Variants in CCBE1 observed in about 807,000 individuals in gnomAD.
The protein encoded by CCBE1 is collagen and calcium-binding EGF domain-containing protein 1.
Under a neutral mutation model 50.0 loss-of-function variants are expected in CCBE1, and 37 were observed. The ratio of observed to expected loss-of-function variants is 0.74; its 90% CI spans 0.57 to 0.97. The LOEUF is 0.97. Among genes scored for constraint, CCBE1 ranks in the 50% least tolerant of loss-of-function variants. The pLI is 0.00. For missense variants in CCBE1, 538 were observed against 523.8 expected (o/e 1.03, Z -0.26); for synonymous variants, 234 against 203.7 (o/e 1.15, Z -1.27).
intron 2 of CCBE1, among the ~76,000 whole-genome samples, chr18:59,596,349 G>T (rs1171696680): frequency 6.6e-6 from 1 of 152,148 alleles, no homozygotes; most frequent in Non-Finnish European, 1.5e-5. Context: ...AAATAATTTT[G>T]TCCAATAATC....
chr18:59,467,005 C>A, intron 4 of CCBE1, 114 bp from the exon 5 acceptor site: 1 of 923,914 alleles, frequency 1.1e-6, no homozygotes, highest in South Asian at 1.3e-5. Flanking sequence ...CTTGGGCCGA[C>A]CTTGATCAGA....
chr18:59,620,401 A>G (rs1324606912), intron 2 of CCBE1, among the ~76,000 whole-genome samples: 1 of 152,208 alleles, frequency 6.6e-6, no homozygotes, highest in Non-Finnish European at 1.5e-5. Context: ...CACTGCCCTG[A>G]AGCCCTCAAG....
chr18:59,675,067 G>A (rs1203357490), intron 2 of CCBE1, among the ~76,000 whole-genome samples: 4 of 151,976 alleles, frequency 2.6e-5, no homozygotes, highest in Non-Finnish European at 4.4e-5. Context: ...GCACAACATT[G>A]AAACAGGATG....
chr18:59,646,732 T>C (rs1360752420), intron 2 of CCBE1, among the ~76,000 whole-genome samples: 1 of 152,186 alleles, frequency 6.6e-6, no homozygotes, highest in Non-Finnish European at 1.5e-5. Flanking sequence ...CATGTAGCAA[T>C]GATTTCAAAA....
intron 2 of CCBE1, among the ~76,000 whole-genome samples, chr18:59,504,539 T>C (rs141416825): frequency 6.6e-6 from 1 of 152,282 alleles, no homozygotes; most frequent in African/African-American, 2.4e-5. Flanking sequence ...ACTGACAGTG[T>C]CTTTGTGAGA....
intron 6 of CCBE1, among the ~76,000 whole-genome samples, chr18:59,451,546 A>C (rs182670944): frequency 3.2e-4 from 48 of 151,200 alleles, no homozygotes; most frequent in African/African-American, 1.1e-3. Flanking sequence ...CTATCCCCAC[A>C]CTCTCCCTTT....
intron 2 of CCBE1, among the ~76,000 whole-genome samples, chr18:59,616,345 A>C (rs1356837150): frequency 6.6e-6 from 1 of 152,240 alleles, no homozygotes; most frequent in Non-Finnish European, 1.5e-5. Context: ...GATTCATGGG[A>C]GACCCCAGAT....
chr18:59,653,902 TATC>T (rs1270790917), intron 2 of CCBE1, among the ~76,000 whole-genome samples: 1 of 152,196 alleles, frequency 6.6e-6, no homozygotes, highest in Non-Finnish European at 1.5e-5. Context: ...CTTATGGACA[TATC>T]ATAAGCAAAA....
intron 2 of CCBE1, among the ~76,000 whole-genome samples, chr18:59,692,424 G>C (rs1261331979): frequency 2.0e-5 from 3 of 152,142 alleles, no homozygotes; most frequent in Admixed American, 6.5e-5. Context: ...GTAGAGCTGG[G>C]ATTCACACTG....
intron 5 of CCBE1, among the ~76,000 whole-genome samples, chr18:59,463,751 G>T (rs1911606314): frequency 6.6e-6 from 1 of 152,282 alleles, no homozygotes; most frequent in African/African-American, 2.4e-5. Context: ...TTGTTGCTGG[G>T]GTTCCCGGTG....
intron 2 of CCBE1, among the ~76,000 whole-genome samples, chr18:59,600,777 A>T (rs1164744097): frequency 6.6e-6 from 1 of 152,034 alleles, no homozygotes; most frequent in Non-Finnish European, 1.5e-5. Flanking sequence ...CTCTTTCCTC[A>T]TGTAGAGTAA....
At chr18:59,519,899 G>GT (rs758443757) in intron 2 of CCBE1, among the ~76,000 whole-genome samples, 14 of 152,220 alleles carry the variant, frequency 9.2e-5, no homozygotes, top group Non-Finnish European at 1.6e-4. Flanking sequence ...TAGCTAGCCA[G>GT]TTTTTTCCAA....
At chr18:59,584,736 G>A (rs1286446431) in intron 2 of CCBE1, among the ~76,000 whole-genome samples, 2 of 152,142 alleles carry the variant, frequency 1.3e-5, no homozygotes, top group Non-Finnish European at 2.9e-5. Context: ...ACAAGTAAAA[G>A]TTTCCCGAGG....
chr18:59,538,422 C>T (rs773141002), intron 2 of CCBE1, among the ~76,000 whole-genome samples: 5 of 152,186 alleles, frequency 3.3e-5, no homozygotes, highest in Non-Finnish European at 7.3e-5. Context: ...AGGCGCGATG[C>T]AATGCCAAGA....
At chr18:59,522,818 T>C (rs1239243945) in intron 2 of CCBE1, among the ~76,000 whole-genome samples, 1 of 151,750 alleles carries the variant, frequency 6.6e-6, no homozygotes, top group Non-Finnish European at 1.5e-5. Context: ...TGAAACCTCG[T>C]CTCTACTAAG....
chr18:59,536,295 A>G (rs903836074), intron 2 of CCBE1, among the ~76,000 whole-genome samples: 6 of 152,132 alleles, frequency 3.9e-5, no homozygotes, highest in African/African-American at 1.4e-4. Flanking sequence ...TAGAGCCTGG[A>G]CAGCTCATGG....
In CCBE1 at chr18:59,595,114, C is replaced by CAAAAAAAAAAAAAAAAAAAAAAAAAAA. The variant is rs546035209; in HGVS notation, c.212+101514_212+101515insTTTTTTTTTTTTTTTTTTTTTTTTTTT. 8.0e-4 allele frequency among the ~76,000 whole-genome samples: 59 copies of CAAAAAAAAAAAAAAAAAAAAAAAAAAA among 73,566 alleles called. 1 individual carries two copies. The highest frequency in any genetic ancestry group is 2.4e-3 in the African/African-American group (55 of 22,492). 48.3% of individuals were successfully genotyped at this position (73,566 alleles called of 152,430 possible). A position where few individuals can be genotyped will look rare whatever the true frequency, so the allele number is the denominator to read the frequency against. ...CTGGCAACAGAGCGAGACTCTGTCT[C>CAAAAAAAAAAAAAAAAAAAAAAAAAAA]AAAAAAAAAAAAAAAAAAATCCATT... is the stretch of plus-strand genomic sequence containing the variant. On this transcript the variant is annotated intron_variant, in intron 2 of 10. Transcript: ENST00000439986.
intron 2 of CCBE1, among the ~76,000 whole-genome samples, chr18:59,559,273 A>G (rs2052698681): frequency 6.6e-6 from 1 of 152,220 alleles, no homozygotes; most frequent in Non-Finnish European, 1.5e-5. Context: ...GCACTGTGGG[A>G]AGTGCATGTC....
At chr18:59,454,983 G>T in intron 5 of CCBE1, 32 bp from the exon 6 acceptor site, 1 of 1,563,512 alleles carries the variant, frequency 6.4e-7, no homozygotes. Context: ...GTCCTGTCTG[G>T]GAGGCTGGAT....
Sources: gnomAD v4.1 joint callset for allele counts (sites outside exome capture counted in the v4.1 genomes callset) on GRCh38, gnomAD v4.1.1 for gene constraint, MANE v1.5 for transcripts, NCBI Gene and HGNC (gene_info 2026-07-23, HGNC 2026-07-21) for gene names.